The following OPN5 variants were observed in gnomAD, a reference collection of about 807,000 sequenced individuals.
OPN5 encodes opsin 5, also known as opsin-5.
Under a neutral mutation model 41.7 loss-of-function variants are expected in OPN5, and 18 were observed. The ratio of observed to expected loss-of-function variants is 0.43; its 90% CI spans 0.30 to 0.64. OPN5 has a LOEUF of 0.64. Among genes scored for constraint, OPN5 ranks in the 30% least tolerant of loss-of-function variants. The pLI, the probability that OPN5 is intolerant of heterozygous loss-of-function variation, is 0.13. For synonymous variants in OPN5, 178 were observed against 164.3 expected, an observed-to-expected ratio of 1.08 and a Z score of -0.64; for missense variants, 318 against 434.5, an observed-to-expected ratio of 0.73 and a Z score of 2.38.
Position 47,823,857 on chromosome 6 carries a change from T to G in OPN5, c.1057-126T>G, listed in dbSNP as rs935815551. ...GGGAGAAGCCATCTCAGTGACAATG[T>G]CCATCGCAATCCTGGTTCTTTTGGT... On this transcript the variant is annotated intron_variant, in intron 6 of 6. Transcript: ENST00000371211. 4.1e-6 allele frequency: 3 copies of G among 734,138 alleles called. No homozygotes were observed. The African/African-American group carries it at 5.2e-5, about 13-fold the overall frequency. 45.5% of individuals were successfully genotyped at this position (734,138 alleles called of 1,614,324 possible).
chr6:47,815,344 C>T (rs1037977324), intron 6 of OPN5, among the ~76,000 whole-genome samples: 5 of 151,788 alleles, frequency 3.3e-5, no homozygotes, highest in Non-Finnish European at 7.4e-5. Context: ...CACAAATCTA[C>T]GAATAAAAAT....
At chr6:47,791,644 C>T (rs1047229884) in intron 2 of OPN5, among the ~76,000 whole-genome samples, 158 bp from the exon 3 acceptor site, 4 of 152,168 alleles carry the variant, frequency 2.6e-5, no homozygotes, top group Admixed American at 1.3e-4. Context: ...TAGATAACTG[C>T]TGGGCTTTTA....
chr6:47,798,134 A>C (rs557072546), intron 4 of OPN5, among the ~76,000 whole-genome samples: 1 of 152,238 alleles, frequency 6.6e-6, no homozygotes, highest in East Asian at 1.9e-4. Context: ...ACTAAATGAT[A>C]TTATAGCACA....
chr6:47,813,569 C>T lies in OPN5; in HGVS notation c.1056+1838C>T, dbSNP rs917859804. ...TGCTGTTATATGGATTTTACCATGA[C>T]GGTGATAGGGAGACCATTCATGATT... On this transcript the variant is annotated intron_variant, in intron 6 of 6. Transcript: ENST00000371211. Among the ~76,000 whole-genome samples, 4 of 152,092 alleles carry T rather than the reference C, an allele frequency of 2.6e-5. No homozygotes were observed. The East Asian group carries it at 5.8e-4, about 22-fold the overall frequency.
intron 2 of OPN5, chr6:47,787,050 T>G: frequency 1.0e-6 from 1 of 988,674 alleles, no homozygotes; most frequent in Non-Finnish European, 1.2e-6. Context: ...TCTTGAAGGG[T>G]AAATGACAGT....
chr6:47,818,186 A>C, intron 6 of OPN5, among the ~76,000 whole-genome samples: 1 of 152,188 alleles, frequency 6.6e-6, no homozygotes, highest in East Asian at 1.9e-4. Flanking sequence ...AAATGAACAA[A>C]ATCTAATTAG....
At chr6:47,793,892 C>A in intron 3 of OPN5, 1 of 443,744 alleles carries the variant, frequency 2.3e-6, no homozygotes, top group East Asian at 1.6e-4. Context: ...AGTGGAGAAA[C>A]AAGAGCTGAC....
intron 6 of OPN5, among the ~76,000 whole-genome samples, chr6:47,821,905 G>T (rs907463889): frequency 2.6e-5 from 4 of 152,076 alleles, no homozygotes; most frequent in Non-Finnish European, 5.9e-5. Context: ...AAGTGGTCAG[G>T]AGTTCAAGAG....
rs546931654 is a variant in OPN5 at position 47,790,954 on chromosome 6, A to T, written c.251-848A>T. Among the ~76,000 whole-genome samples, 6 of 152,284 alleles carry T rather than the reference A, an allele frequency of 3.9e-5. No individual in the cohort carries two copies. In the South Asian group the frequency reaches 8.3e-4, roughly 21 times the overall value. On this transcript the variant is annotated intron_variant, in intron 2 of 6. Transcript: ENST00000371211. ...CTTCCAAAAGAAAGAAAAAAACCAA[A>T]TTCCCCTTTTCATTATAAGGAATCT...
intron 2 of OPN5, among the ~76,000 whole-genome samples, chr6:47,788,478 C>T (rs988254660): frequency 3.9e-5 from 6 of 152,226 alleles, no homozygotes; most frequent in Non-Finnish European, 5.9e-5. Flanking sequence ...TGCAAACCAC[C>T]TCATTACTCT....
At chr6:47,784,673 G>C (rs1430156459) in intron 1 of OPN5, among the ~76,000 whole-genome samples, 1 of 151,970 alleles carries the variant, frequency 6.6e-6, no homozygotes, top group East Asian at 1.9e-4. Context: ...TTAAATACTA[G>C]AAGTCTTAAG....
chr6:47,787,968 G>A (rs1417256085), intron 2 of OPN5, among the ~76,000 whole-genome samples: 1 of 152,160 alleles, frequency 6.6e-6, no homozygotes, highest in Non-Finnish European at 1.5e-5. Flanking sequence ...TAAAAACAAG[G>A]CTCAATAATA....
At chr6:47,788,808 G>GA (rs931238920) in intron 2 of OPN5, among the ~76,000 whole-genome samples, 3 of 148,176 alleles carry the variant, frequency 2.0e-5, no homozygotes, top group Non-Finnish European at 4.5e-5. Context: ...GATAACCTGG[G>GA]GGGGGGCGGT....
intron 2 of OPN5, among the ~76,000 whole-genome samples, chr6:47,789,126 CT>C (rs1313463608): frequency 1.3e-5 from 2 of 152,138 alleles, no homozygotes; most frequent in African/African-American, 4.8e-5. Flanking sequence ...TTTCACTTGT[CT>C]TTTTGCTGCC....
intron 4 of OPN5, among the ~76,000 whole-genome samples, chr6:47,800,277 A>G (rs1353784494): frequency 6.6e-6 from 1 of 152,130 alleles, no homozygotes; most frequent in Non-Finnish European, 1.5e-5. Flanking sequence ...TTTGTAAGTG[A>G]GGGGTATCTC....
chr6:47,795,569 T>C lies in OPN5; in HGVS notation c.756+6T>C, dbSNP rs763415728. ...TGGAAATGAAACTGACAAAGGTAAG[T>C]GCACTAATATTTTACACATGTGTTT... is the stretch of plus-strand genomic sequence containing the variant. On this transcript the variant is annotated splice_donor_region_variant and intron_variant, in intron 4 of 6. Transcript: ENST00000371211. 3 of 1,599,002 alleles carry C rather than the reference T, an allele frequency of 1.9e-6. No individual in the cohort carries two copies. In the East Asian group the frequency reaches 6.7e-5, roughly 36 times the overall value.
At chr6:47,796,014 T>G (rs555561927) in intron 4 of OPN5, among the ~76,000 whole-genome samples, 7 of 152,216 alleles carry the variant, frequency 4.6e-5, no homozygotes, top group Non-Finnish European at 7.4e-5. Context: ...ATTTATAGAG[T>G]AAGAGTTTAC....
downstream of OPN5, chr6:47,826,045 A>G (rs1230973996): frequency 6.6e-6 from 1 of 151,848 alleles, no homozygotes; most frequent in Non-Finnish European, 1.5e-5. Context: ...GTGTGTATAC[A>G]TATATATATA....
chr6:47,785,782 G>A (rs1363352567), intron 1 of OPN5, among the ~76,000 whole-genome samples: 1 of 152,224 alleles, frequency 6.6e-6, no homozygotes, highest in African/African-American at 2.4e-5. Context: ...ATATGAAAAA[G>A]TGGGAACACA....
Sources: gnomAD v4.1 joint callset for allele counts (sites outside exome capture counted in the v4.1 genomes callset) on GRCh38, gnomAD v4.1.1 for gene constraint, MANE v1.5 for transcripts, NCBI Gene and HGNC (gene_info 2026-07-23, HGNC 2026-07-21) for gene names.